Variants in TMEM204 observed in about 807,000 individuals in gnomAD.
TMEM204 encodes claudin-like protein 24.
A neutral mutation model predicts 19.4 loss-of-function variants in TMEM204; 15 were observed. That is an observed-to-expected ratio of 0.77 (90% CI 0.52 to 1.19). The LOEUF is 1.19. TMEM204 is among the 50% of genes most tolerant of loss of function. The pLI is 0.00. For missense variants in TMEM204, 287 were observed against 321.2 expected (o/e 0.89, Z 0.81); for synonymous variants, 161 against 146.0 (o/e 1.10, Z -0.74).
At chr16:1,539,382 C>G (rs1282259855) in intron 1 of TMEM204, among the ~76,000 whole-genome samples, 2 of 152,266 alleles carry the variant, frequency 1.3e-5, no homozygotes, top group African/African-American at 4.8e-5. Flanking sequence ...TTGCACGGTG[C>G]CAGGCTGAGG....
intron 1 of TMEM204, among the ~76,000 whole-genome samples, chr16:1,540,380 C>T (rs2031518539): frequency 6.6e-6 from 1 of 152,246 alleles, no homozygotes; most frequent in Non-Finnish European, 1.5e-5. Flanking sequence ...AGCCCGCATC[C>T]CCCACCACCC....
intron 2 of TMEM204, among the ~76,000 whole-genome samples, chr16:1,549,588 C>A (rs1015378759): frequency 6.6e-6 from 1 of 152,258 alleles, no homozygotes; most frequent in Admixed American, 6.5e-5. Context: ...CCCGCCACCA[C>A]GCCCGGCTAA....
chr16:1,542,416 C>G (rs941664618), intron 2 of TMEM204, among the ~76,000 whole-genome samples: 1 of 152,220 alleles, frequency 6.6e-6, no homozygotes, highest in African/African-American at 2.4e-5. Context: ...CCACATGGGG[C>G]AGCCTGGGTC....
At chr16:1,529,975 G>A (rs1027601581), upstream of TMEM204, among the ~76,000 whole-genome samples, 1 of 152,008 alleles carries the variant, frequency 6.6e-6, no homozygotes, top group Non-Finnish European at 1.5e-5. Flanking sequence ...TGGAAGGGAT[G>A]CCACGGCTCC....
intron 1 of TMEM204, among the ~76,000 whole-genome samples, chr16:1,539,149 C>T (rs1417205752): frequency 2.7e-5 from 4 of 150,888 alleles, no homozygotes; most frequent in African/African-American, 9.8e-5. Flanking sequence ...ACGCCTCAGG[C>T]CTCACCAAGC....
chr16:1,542,161 G>A (rs553038827), intron 2 of TMEM204, 85 bp downstream of exon 2: 1 of 1,409,820 alleles, frequency 7.1e-7, no homozygotes, highest in Non-Finnish European at 9.3e-7. Flanking sequence ...GCCTTGGGTG[G>A]CCTGGGGGGA....
Position 1,553,474 on chromosome 16 carries a change from C to T in TMEM204, c.437-1308C>T, listed in dbSNP as rs1311269450. 3.0e-6 allele frequency: 3 copies of T among 985,306 alleles called. No individual in the cohort carries two copies. The African/African-American group carries it at 5.2e-5, about 17-fold the overall frequency. The allele number at this position is 985,306 out of a possible 1,614,324, so 61.0% of individuals were successfully genotyped here. A position where few individuals can be genotyped will look rare whatever the true frequency, so the allele number is the denominator to read the frequency against. On this transcript the variant is annotated intron_variant, in intron 2 of 2. Coordinates refer to ENST00000566264, the MANE Select transcript of TMEM204 (RefSeq NM_024600.6). This position sits in a 1 kb window ranked among gnomAD's most constrained non-coding sequence, Gnocchi z 4.4. ...CACAGGTGTCAACATGCAGGCCAGG[C>T]GGAGGGACAGCAGTGGGGCTCGGCG...
At chr16:1,554,671 G>T (rs2032945414) in intron 2 of TMEM204, 111 bp from the exon 3 acceptor site, 3 of 1,460,566 alleles carry the variant, frequency 2.1e-6, no homozygotes, top group Non-Finnish European at 2.8e-6. Flanking sequence ...AGGACAGAGG[G>T]CTGGGGAAGG....
rs1463485727 is a variant in TMEM204, at chr16:1,551,807, C to G, written c.437-2975C>G. Reference sequence around the variant, plus strand: ...TCCGGCAAGATCAACTCTGCGGGACCTCCCACCCGGGCTGGTTGCCCTGTG... The same window carrying G: ...TCCGGCAAGATCAACTCTGCGGGACGTCCCACCCGGGCTGGTTGCCCTGTG... On this transcript the variant is annotated intron_variant, in intron 2 of 2. Coordinates refer to ENST00000566264, the MANE Select transcript of TMEM204 (RefSeq NM_024600.6). The surrounding 1 kb of genome is among the most constrained non-coding windows in gnomAD (Gnocchi z 4.0). 6.6e-6 allele frequency among the ~76,000 whole-genome samples: 1 copy of G among 152,176 alleles called. No homozygotes were observed. Among genetic ancestry groups the G allele is most frequent in the African/African-American group, 2.4e-5 (1 of 41,432 alleles).
chr16:1,534,500 G>A lies in TMEM204; in HGVS notation c.225G>A (p.Ala75=), dbSNP rs1238027008. ...AGQVDAHDCE[A]LGWGSEAAGF... The stretch of plus-strand genomic sequence containing the variant: ...AGGTGGACGCACATGACTGTGAGGC[G>A]CTGGGCTGGGGCTCCGAGGCAGCCG... Residue 75 remains alanine, a synonymous_variant, in exon 1 of 3, where the codon GCG becomes GCA. Transcript: ENST00000566264. The A allele has an allele frequency of 6.2e-6, 10 of 1,608,972 alleles. No individual in the cohort carries two copies. The highest frequency in any genetic ancestry group is 2.7e-5 in the African/African-American group (2 of 75,054).
In TMEM204 at chr16:1,553,908, T is replaced by C. The variant is rs918070035; in HGVS notation, c.437-874T>C. ...ACCCTGATTTTCCTGTTGTAAGAAC[T>C]AAAAAGGTCTTTGGAGCTCCTCAAA... On this transcript the variant is annotated intron_variant, in intron 2 of 2. Coordinates refer to ENST00000566264, the MANE Select transcript of TMEM204 (RefSeq NM_024600.6). This position sits in a 1 kb window ranked among gnomAD's most constrained non-coding sequence, Gnocchi z 4.4. 7.8e-7 allele frequency: 1 copy of C among 1,277,434 alleles called. No individual in the cohort carries two copies. The highest frequency in any genetic ancestry group is 1.0e-6 in the Non-Finnish European group (1 of 982,032). 79.1% of individuals were successfully genotyped at this position (1,277,434 alleles called of 1,614,324 possible). A position where few individuals can be genotyped will look rare whatever the true frequency, so the allele number is the denominator to read the frequency against.
At chr16:1,537,804 C>T (rs930879122) in intron 1 of TMEM204, among the ~76,000 whole-genome samples, 5 of 152,212 alleles carry the variant, frequency 3.3e-5, no homozygotes, top group African/African-American at 4.8e-5. Flanking sequence ...CGAGCCAGAG[C>T]CTGGCGCTAG....
chr16:1,534,645 G>C, intron 1 of TMEM204, 90 bp downstream of exon 1: 18 of 1,565,372 alleles, frequency 1.1e-5, no homozygotes, highest in Non-Finnish European at 1.4e-5. Context: ...TGAGCGGGTG[G>C]GGAGGCCTGG....
chr16:1,547,521 G>A (rs894961001), intron 2 of TMEM204, among the ~76,000 whole-genome samples: 17 of 152,152 alleles, frequency 1.1e-4, no homozygotes, highest in East Asian at 3.9e-4. Flanking sequence ...ACAATAACCC[G>A]GTTCTTTGCT....
intron 2 of TMEM204, 90 bp downstream of exon 2, chr16:1,542,166 G>T (rs1346122375): frequency 7.3e-7 from 1 of 1,372,452 alleles, no homozygotes; most frequent in Non-Finnish European, 9.6e-7. Context: ...GGGTGGCCTG[G>T]GGGGAAGCTG....
At chr16:1,537,341 G>T (rs1381598192) in intron 1 of TMEM204, among the ~76,000 whole-genome samples, 1 of 152,220 alleles carries the variant, frequency 6.6e-6, no homozygotes, top group Non-Finnish European at 1.5e-5. Context: ...GTGCCCTGAG[G>T]CCCTGCCCCA....
intron 2 of TMEM204, among the ~76,000 whole-genome samples, chr16:1,554,385 TGGGGGGCTAGGAAAG>T (rs1026585800): frequency 6.6e-6 from 1 of 152,206 alleles, no homozygotes; most frequent in Middle Eastern, 3.2e-3. Flanking sequence ...CTGCTGAGTC[TGGGGGGCTAGGAAAG>T]GCCCCCCCAA....
intron 2 of TMEM204, among the ~76,000 whole-genome samples, chr16:1,548,482 A>G (rs1489569812): frequency 6.6e-6 from 1 of 152,250 alleles, no homozygotes; most frequent in East Asian, 1.9e-4. Context: ...TTGGCAACAC[A>G]ACTTCATGAA....
rs2141429686 is a variant in TMEM204 at position 1,555,132 on chromosome 16, G to A, written c.*106G>A. 3 of 1,415,722 alleles carry A rather than the reference G, an allele frequency of 2.1e-6. No individual in the cohort carries two copies. The highest frequency in any genetic ancestry group is 2.2e-5 in the Admixed American group (1 of 45,584). The allele number at this position is 1,415,722 out of a possible 1,614,324, so 87.7% of individuals were successfully genotyped here. A position where few individuals can be genotyped will look rare whatever the true frequency, so the allele number is the denominator to read the frequency against. ...ACTTCCCCTGCTCGTGCAGAGGCAC[G>A]GGATGAGTCTGGGTGACCTCTGCGC... On this transcript the variant is annotated 3_prime_UTR_variant, in exon 3 of 3. Transcript: ENST00000566264.
Sources: gnomAD v4.1 joint callset for allele counts (sites outside exome capture counted in the v4.1 genomes callset) on GRCh38, gnomAD v4.1.1 for gene constraint, Gnocchi (gnomAD v3.1) non-coding constraint, MANE v1.5 for transcripts, NCBI Gene and HGNC (gene_info 2026-07-23, HGNC 2026-07-21) for gene names.